Variants in CHN2 observed in about 807,000 individuals in gnomAD.
CHN2 encodes beta-chimaerin.
CHN2 carries 35 observed loss-of-function variants against 56.3 expected under a neutral mutation model. The observed-to-expected ratio is 0.62, with a 90% CI of 0.47 to 0.82. The LOEUF is 0.82. CHN2 is among the 40% of genes least tolerant of loss of function. CHN2 has a pLI of 0.00. For synonymous variants in CHN2, 210 were observed against 212.8 expected (o/e 0.99, Z 0.12); for missense variants, 491 against 580.5 (o/e 0.85, Z 1.58).
intron 1 of CHN2, among the ~76,000 whole-genome samples, chr7:29,285,154 C>G (rs180833385): frequency 6.6e-6 from 1 of 152,208 alleles, no homozygotes; most frequent in African/African-American, 2.4e-5. Context: ...AACAACTCAT[C>G]TTTACATTTC....
chr7:29,472,650 G>T (rs995871257), intron 6 of CHN2, among the ~76,000 whole-genome samples: 1 of 151,922 alleles, frequency 6.6e-6, no homozygotes, highest in Non-Finnish European at 1.5e-5. Context: ...GGAAGGAAAG[G>T]AAGACAGAGA....
At chr7:29,384,183 T>C (rs1047968284) in intron 3 of CHN2, among the ~76,000 whole-genome samples, 4 of 152,206 alleles carry the variant, frequency 2.6e-5, no homozygotes, top group African/African-American at 9.6e-5. Flanking sequence ...GTCTCCAGAA[T>C]GGCCATGTTT....
chr7:29,252,758 G>T (rs1788739460), intron 1 of CHN2, among the ~76,000 whole-genome samples: 1 of 125,370 alleles, frequency 8.0e-6, no homozygotes, highest in Non-Finnish European at 1.6e-5. Flanking sequence ...ACCGCGCCCG[G>T]CTAATTTTTT....
chr7:29,175,914 C>T (rs759842200), intron 2 of CHN2, among the ~76,000 whole-genome samples: 38 of 152,100 alleles, frequency 2.5e-4, no homozygotes, highest in South Asian at 1.0e-3. Context: ...CAGACGGGCG[C>T]GGTGGCTCAT....
At chr7:29,466,387 C>T (rs1785556805) in intron 6 of CHN2, among the ~76,000 whole-genome samples, 1 of 152,002 alleles carries the variant, frequency 6.6e-6, no homozygotes, top group African/African-American at 2.4e-5. Flanking sequence ...TCTTTTATCC[C>T]CTGGCCTTTC....
At chr7:29,284,158 C>T (rs775004617) in intron 1 of CHN2, among the ~76,000 whole-genome samples, 25 of 151,810 alleles carry the variant, frequency 1.6e-4, no homozygotes, top group Admixed American at 2.6e-4. Context: ...TGCAGTGGTG[C>T]GATCTCCCCT....
At chr7:29,269,627 T>C (rs1316539234) in intron 1 of CHN2, among the ~76,000 whole-genome samples, 1 of 152,220 alleles carries the variant, frequency 6.6e-6, no homozygotes, top group Non-Finnish European at 1.5e-5. Flanking sequence ...GGAAACTTCA[T>C]GCTGTTTTCC....
At chr7:29,344,228 G>C (rs759153849) in intron 1 of CHN2, among the ~76,000 whole-genome samples, 1 of 152,050 alleles carries the variant, frequency 6.6e-6, no homozygotes, top group Non-Finnish European at 1.5e-5. Flanking sequence ...TCCCTTGATT[G>C]GTCTCACTGC....
rs564310738 is a variant in CHN2, at chr7:29,213,424, C to T, written c.49+18434C>T. 1.3e-3 allele frequency among the ~76,000 whole-genome samples: 192 copies of T among 152,156 alleles called. 3 individuals carry two copies. Among genetic ancestry groups the T allele is most frequent in the South Asian group, 5.0e-3 (24 of 4,824 alleles). ...TTTCTTTTTTTCCTATTGGATCTTC[C>T]GGAGAAAAGACGTTTTAATAACCTT... On this transcript the variant is annotated intron_variant, in intron 1 of 12. Transcript: ENST00000222792.
At chr7:29,357,993 C>T (rs888083706) in intron 2 of CHN2, among the ~76,000 whole-genome samples, 1 of 152,122 alleles carries the variant, frequency 6.6e-6, no homozygotes, top group African/African-American at 2.4e-5. Flanking sequence ...CATATTCTTC[C>T]ATCACACACT....
intron 3 of CHN2, among the ~76,000 whole-genome samples, chr7:29,368,273 T>C (rs1034849339): frequency 6.6e-6 from 1 of 152,204 alleles, no homozygotes; most frequent in African/African-American, 2.4e-5. Context: ...ATGTTTTCTT[T>C]GTTAATATCC....
chr7:29,502,035 G>A (rs1790024555), intron 9 of CHN2, among the ~76,000 whole-genome samples: 1 of 152,086 alleles, frequency 6.6e-6, no homozygotes, highest in Non-Finnish European at 1.5e-5. Flanking sequence ...TACATAAATG[G>A]ACCGAGTACA....
At chr7:29,347,514 G>A (rs1449721824) in intron 1 of CHN2, among the ~76,000 whole-genome samples, 1 of 151,992 alleles carries the variant, frequency 6.6e-6, no homozygotes, top group Non-Finnish European at 1.5e-5. Context: ...GGTGGCAAGG[G>A]AGAGAGAGAG....
At chr7:29,394,759 AT>A (rs1233911535) in intron 4 of CHN2, among the ~76,000 whole-genome samples, 4 of 152,252 alleles carry the variant, frequency 2.6e-5, no homozygotes, top group Non-Finnish European at 5.9e-5. Flanking sequence ...ATTTAAAAAA[AT>A]AGAAGAAAAT....
intron 6 of CHN2, among the ~76,000 whole-genome samples, chr7:29,453,524 C>T (rs7782537): frequency 1.9e-4 from 29 of 152,038 alleles, no homozygotes; most frequent in African/African-American, 5.1e-4. Context: ...CTCTCCAGCT[C>T]TGAGAGAGAG....
At chr7:29,359,066 A>G (rs1798535473) in intron 2 of CHN2, among the ~76,000 whole-genome samples, 2 of 152,192 alleles carry the variant, frequency 1.3e-5, no homozygotes, top group African/African-American at 4.8e-5. Context: ...GAGACAGTCT[A>G]CTTTCTTGAC....
chr7:29,489,279 G>A (rs1041069307), intron 7 of CHN2, among the ~76,000 whole-genome samples: 7 of 152,162 alleles, frequency 4.6e-5, no homozygotes, highest in African/African-American at 1.7e-4. Flanking sequence ...ACCGTGCCTA[G>A]TGTAATAGTC....
rs142242853 is a variant in CHN2, at chr7:29,356,741, A to G, written c.88+2078A>G. Among the ~76,000 whole-genome samples the G allele has an allele frequency of 3.4e-3, 515 of 152,268 alleles. 1 individual carries two copies. Among genetic ancestry groups the G allele is most frequent in the Non-Finnish European group, 5.1e-3 (349 of 68,016 alleles). The stretch of plus-strand genomic sequence containing the variant: ...TGCTGGGTCTCTAAGGGCCCTTCCA[A>G]TCTAATGCTCTGTATTCCGATCTTC... On this transcript the variant is annotated intron_variant, in intron 2 of 12. Transcript: ENST00000222792.
intron 1 of CHN2, among the ~76,000 whole-genome samples, chr7:29,348,996 T>G (rs995598824): frequency 2.0e-5 from 3 of 152,200 alleles, no homozygotes; most frequent in Admixed American, 1.3e-4. Flanking sequence ...AATAAATTAT[T>G]TTATAACCTG....
Sources: gnomAD v4.1 joint callset for allele counts (sites outside exome capture counted in the v4.1 genomes callset) on GRCh38, gnomAD v4.1.1 for gene constraint, MANE v1.5 for transcripts, NCBI Gene and HGNC (gene_info 2026-07-23, HGNC 2026-07-21) for gene names.